Variants in CAPN9 observed in about 807,000 individuals in gnomAD.
CAPN9 encodes the protein calpain 9.
A neutral mutation model predicts 92.8 loss-of-function variants in CAPN9; 81 were observed. The observed-to-expected ratio is 0.87, with a 90% CI of 0.73 to 1.05. CAPN9 has a LOEUF of 1.05. Among genes scored for constraint, CAPN9 ranks in the 50% least tolerant of loss-of-function variants. CAPN9 has a pLI of 0.00. For synonymous variants in CAPN9, 304 were observed against 328.0 expected, an observed-to-expected ratio of 0.93 and a Z score of 0.79; for missense variants, 848 against 866.2, an observed-to-expected ratio of 0.98 and a Z score of 0.26.
intron 12 of CAPN9, 101 bp from the exon 13 acceptor site, chr1:230,787,421 C>T (rs1464233181): frequency 7.7e-6 from 7 of 912,738 alleles, no homozygotes; most frequent in East Asian, 2.6e-5. Context: ...AGGAGGGTGA[C>T]ATGGGGCTGG....
intron 1 of CAPN9, among the ~76,000 whole-genome samples, chr1:230,751,628 AAAGAAAG>A (rs1664818011): frequency 1.2e-5 from 1 of 83,142 alleles, no homozygotes; most frequent in Non-Finnish European, 2.4e-5. Flanking sequence ...AGAAAGAAAG[AAAGAAAG>A]AAAGAAAGAA....
Position 230,774,476 on chromosome 1 carries a change from C to T in CAPN9, c.876-78C>T, listed in dbSNP as rs886439171. 6 of 947,964 alleles carry T rather than the reference C, an allele frequency of 6.3e-6. No individual in the cohort carries two copies. The African/African-American group carries it at 9.6e-5, about 15-fold the overall frequency. The allele number at this position is 947,964 out of a possible 1,614,324, so 58.7% of individuals were successfully genotyped here. Reference sequence around the variant, plus strand: ...AGGTCTTATTTCCTCCATAACCGCACACTGTGGGTTCCACATCAAGGCCAT... The same window carrying T: ...AGGTCTTATTTCCTCCATAACCGCATACTGTGGGTTCCACATCAAGGCCAT... On this transcript the variant is annotated intron_variant, in intron 7 of 19. Transcript: ENST00000271971.
Position 230,780,328 on chromosome 1 carries a change from A to G in CAPN9, c.1264A>G (p.Ile422Val). The part of the protein sequence containing the change: ...GANVLTIGYA[I>V]YECPDKDEHL... ...CAATGTGCTGACAATCGGCTATGCC[A>G]TTTATGAGGTAGGTGGGAACCACAC... The change falls in exon 10 of 20, where the codon ATT (isoleucine) becomes GTT (valine). Residue 422 changes from isoleucine to valine, a missense_variant. Ile to Val is a conservative substitution (Grantham distance 29). Transcript: ENST00000271971. The G allele has an allele frequency of 1.9e-6, 3 of 1,613,950 alleles. No individual in the cohort carries two copies. In the South Asian group the frequency reaches 3.3e-5, roughly 18 times the overall value.
chr1:230,747,689 T>C lies in CAPN9; in HGVS notation c.193T>C (p.Phe65Leu), dbSNP rs747124659. 14 of 1,613,950 alleles carry C rather than the reference T, an allele frequency of 8.7e-6. No homozygotes were observed. Among genetic ancestry groups the C allele is most frequent in the Non-Finnish European group, 1.2e-5 (14 of 1,180,004 alleles). Residue 65 changes from phenylalanine to leucine, a missense_variant, in exon 1 of 20, where the codon TTT (phenylalanine) becomes CTT (leucine). Transcript: ENST00000271971. The part of the protein sequence containing the change: ...LFYSERPQIP[F>L]VWKRPGEIVK... ...CTACAGTGAGAGGCCGCAGATCCCC[T>C]TTGTGTGGAAACGACCAGGGGTGAG...
intron 1 of CAPN9, among the ~76,000 whole-genome samples, chr1:230,753,714 G>A (rs1001430838): frequency 2.0e-5 from 3 of 152,128 alleles, no homozygotes; most frequent in African/African-American, 4.8e-5. Context: ...AGTGGGAAGA[G>A]GTGGGAAAAA....
Position 230,780,719 on chromosome 1 carries a change from G to A in CAPN9, c.1481+11G>A. 1 of 1,609,936 alleles carries A rather than the reference G, an allele frequency of 6.2e-7. No individual in the cohort carries two copies. The highest frequency in any genetic ancestry group is 1.1e-5 in the South Asian group (1 of 90,972). ...AAAAGCCATTACCCGGTGAGTCAGA[G>A]GAACAGCTTCCAGAATCCCACTTCT... On this transcript the variant is annotated intron_variant, in intron 11 of 19. Transcript: ENST00000271971.
At chr1:230,759,122 T>C (rs1439722803) in intron 2 of CAPN9, among the ~76,000 whole-genome samples, 1 of 152,198 alleles carries the variant, frequency 6.6e-6, no homozygotes, top group Admixed American at 6.5e-5. Flanking sequence ...CCCTCCCAAG[T>C]ACTGCCGAAC....
intron 8 of CAPN9, 41 bp downstream of exon 8, chr1:230,774,672 G>A (rs751165300): frequency 1.0e-4 from 144 of 1,381,378 alleles, no homozygotes; most frequent in Non-Finnish European, 1.4e-4. Context: ...ATACGAGCAA[G>A]TCCCATGGCC....
intron 5 of CAPN9, among the ~76,000 whole-genome samples, chr1:230,768,640 C>G (rs1292397622): frequency 2.0e-5 from 3 of 151,454 alleles, no homozygotes; most frequent in African/African-American, 7.3e-5. Context: ...AACACACACA[C>G]TTATAATTTT....
chr1:230,761,137 G>T (rs1411405198), intron 3 of CAPN9, among the ~76,000 whole-genome samples: 1 of 152,092 alleles, frequency 6.6e-6, no homozygotes, highest in Non-Finnish European at 1.5e-5. Flanking sequence ...GGGATCATGT[G>T]GGGGTGGGGA....
chr1:230,757,952 CT>C (rs1430509838), intron 2 of CAPN9, among the ~76,000 whole-genome samples: 1 of 152,062 alleles, frequency 6.6e-6, no homozygotes, highest in African/African-American at 2.4e-5. Context: ...CAGCCTGCTC[CT>C]CCCATAGTGC....
chr1:230,766,719 T>G (rs1436249335), intron 4 of CAPN9, among the ~76,000 whole-genome samples: 1 of 152,212 alleles, frequency 6.6e-6, no homozygotes, highest in Non-Finnish European at 1.5e-5. Context: ...TACCCTAGAC[T>G]GGGCAATTTA....
chr1:230,752,502 AAAC>A (rs1381159318), intron 1 of CAPN9, among the ~76,000 whole-genome samples: 2 of 152,212 alleles, frequency 1.3e-5, no homozygotes, highest in African/African-American at 4.8e-5. Context: ...CTCCTGAACA[AAAC>A]AACCAATTGC....
In CAPN9 at chr1:230,783,539, T is replaced by C. The variant is rs79060946; in HGVS notation, c.1482-2442T>C. On this transcript the variant is annotated intron_variant, in intron 11 of 19. Coordinates refer to ENST00000271971, the MANE Select transcript of CAPN9 (RefSeq NM_006615.3). ...CTGCTCCTGCTTTTGCCATGTGACA[T>C]GACTCTTCCCCCTTCTGCCATGATT... is the stretch of plus-strand genomic sequence containing the variant. 3.4e-3 allele frequency among the ~76,000 whole-genome samples: 516 copies of C among 152,324 alleles called. 8 individuals are homozygous for C. In the East Asian group the frequency reaches 0.047, roughly 14 times the overall value.
At chr1:230,781,739 A>G (rs768176155) in intron 11 of CAPN9, among the ~76,000 whole-genome samples, 3 of 152,242 alleles carry the variant, frequency 2.0e-5, no homozygotes, top group Non-Finnish European at 4.4e-5. Flanking sequence ...CAATCTGCAC[A>G]GAGTTAACAA....
chr1:230,760,111 C>T (rs750671689), intron 3 of CAPN9, among the ~76,000 whole-genome samples: 7 of 152,268 alleles, frequency 4.6e-5, no homozygotes, highest in Middle Eastern at 3.4e-3. Flanking sequence ...GACCCTCAGC[C>T]GAGGTGCACA....
chr1:230,800,962 A>G (rs1668690986), intron 19 of CAPN9, among the ~76,000 whole-genome samples: 1 of 152,180 alleles, frequency 6.6e-6, no homozygotes, highest in Non-Finnish European at 1.5e-5. Context: ...CTCTCATACT[A>G]TATACACTGT....
intron 19 of CAPN9, among the ~76,000 whole-genome samples, chr1:230,800,590 C>T (rs924244573): frequency 2.0e-5 from 3 of 152,192 alleles, no homozygotes; most frequent in South Asian, 2.1e-4. Flanking sequence ...AGGCTCCTGC[C>T]CTGCCCCATA....
intron 16 of CAPN9, 68 bp downstream of exon 16, chr1:230,792,562 A>T: frequency 8.0e-7 from 1 of 1,246,544 alleles, no homozygotes; most frequent in Non-Finnish European, 1.2e-6. Flanking sequence ...GGGATTTAAA[A>T]TGGTGCAGCA....
Sources: gnomAD v4.1 joint callset for allele counts (sites outside exome capture counted in the v4.1 genomes callset) on GRCh38, gnomAD v4.1.1 for gene constraint, MANE v1.5 for transcripts, NCBI Gene and HGNC (gene_info 2026-07-23, HGNC 2026-07-21) for gene names.